The following CREB5 variants were observed in gnomAD, a reference collection of about 807,000 sequenced individuals.
The protein encoded by CREB5 is cAMP responsive element binding protein 5.
In CREB5, 19 loss-of-function variants were observed where a neutral mutation model predicts 57.1. The ratio of observed to expected loss-of-function variants is 0.33; its 90% CI spans 0.23 to 0.49. The LOEUF (loss-of-function observed/expected upper bound fraction) is 0.49. Ranked by LOEUF, CREB5 falls within the 20% of genes least tolerant of loss-of-function variation. The probability of loss-of-function intolerance (pLI) is 0.99; values close to 1 mark genes in which losing one functional copy is unlikely to be tolerated. For missense variants in CREB5, 579 were observed against 671.6 expected (o/e 0.86, Z 1.52); for synonymous variants, 238 against 238.3 (o/e 1.00, Z 0.01).
intron 7 of CREB5, among the ~76,000 whole-genome samples, chr7:28,763,249 T>A (rs542261398): frequency 6.6e-6 from 1 of 152,204 alleles, no homozygotes; most frequent in Non-Finnish European, 1.5e-5. Context: ...TGCCTCTGCA[T>A]CCTTAGTAGC....
chr7:28,668,710 T>C (rs1799922088), intron 5 of CREB5, among the ~76,000 whole-genome samples: 1 of 152,182 alleles, frequency 6.6e-6, no homozygotes, highest in African/African-American at 2.4e-5. Context: ...GTATTTTAGG[T>C]AGGAACTATC....
chr7:28,481,881 G>C (rs1269428992), intron 1 of CREB5, among the ~76,000 whole-genome samples: 1 of 152,152 alleles, frequency 6.6e-6, no homozygotes, highest in African/African-American at 2.4e-5. Context: ...CAGAAAGAGA[G>C]AGAGACACAC....
intron 5 of CREB5, among the ~76,000 whole-genome samples, chr7:28,700,640 C>T (rs1388021120): frequency 6.6e-6 from 1 of 152,134 alleles, no homozygotes; most frequent in Admixed American, 6.5e-5. Context: ...CTTAGTACTC[C>T]TAGGAAAAGT....
chr7:28,330,900 T>C (rs897854678), intron 1 of CREB5, among the ~76,000 whole-genome samples: 5 of 152,180 alleles, frequency 3.3e-5, no homozygotes, highest in Admixed American at 1.3e-4. Context: ...TTAACAAATA[T>C]TTCTTTGCTA....
chr7:28,615,180 AG>A (rs1371909706), intron 5 of CREB5: 1 of 152,220 alleles, frequency 6.6e-6, no homozygotes, highest in Non-Finnish European at 1.5e-5. Context: ...TCCTGATAAG[AG>A]ACTCTGTTAA....
intron 5 of CREB5, among the ~76,000 whole-genome samples, chr7:28,601,725 A>G (rs1440366769): frequency 1.3e-5 from 2 of 152,190 alleles, no homozygotes; most frequent in African/African-American, 4.8e-5. Flanking sequence ...ATTTCAGCAT[A>G]TAAAGTGGCT....
intron 2 of CREB5, among the ~76,000 whole-genome samples, chr7:28,489,357 T>C (rs1791703010): frequency 3.6e-5 from 5 of 138,504 alleles, no homozygotes; most frequent in Admixed American, 2.5e-4. Context: ...TGGAGTGCAG[T>C]GGTGCGATCT....
rs59294932 is a variant in CREB5, at chr7:28,737,539, GTATATATATATATATATATA to G, written c.702+13237_702+13256del. Among the ~76,000 whole-genome samples the G allele has an allele frequency of 6.6e-3, 177 of 26,672 alleles. 6 individuals are homozygous for G. In the East Asian group the frequency reaches 0.087, roughly 13 times the overall value. 17.5% of individuals were successfully genotyped at this position (26,672 alleles called of 152,430 possible). A position where few individuals can be genotyped will look rare whatever the true frequency, so the allele number is the denominator to read the frequency against. ...TGTGTGTATATATGTATATATATAC[GTATATATATATATATATATA>G]TATATATATATATATATATATATAT... On this transcript the variant is annotated intron_variant, in intron 7 of 10. Coordinates refer to ENST00000357727, the MANE Select transcript of CREB5 (RefSeq NM_182898.4).
At chr7:28,692,027 A>AAAAC (rs1554286561) in intron 5 of CREB5, among the ~76,000 whole-genome samples, 3 of 151,082 alleles carry the variant, frequency 2.0e-5, no homozygotes, top group Admixed American at 6.6e-5. Context: ...AAAAAAAAAA[A>AAAAC]AACAACAAAT....
chr7:28,748,077 G>C (rs1804781582), intron 7 of CREB5, among the ~76,000 whole-genome samples: 1 of 152,178 alleles, frequency 6.6e-6, no homozygotes, highest in Admixed American at 6.5e-5. Flanking sequence ...GTTACCTGAT[G>C]GCTTTGGATA....
chr7:28,588,000 C>A (rs1796362966), intron 5 of CREB5, among the ~76,000 whole-genome samples: 1 of 152,146 alleles, frequency 6.6e-6, no homozygotes, highest in East Asian at 1.9e-4. Flanking sequence ...CACTGCAGAT[C>A]AGGGGTCCAG....
At chr7:28,566,926 T>C (rs983792350) in intron 4 of CREB5, among the ~76,000 whole-genome samples, 1 of 152,222 alleles carries the variant, frequency 6.6e-6, no homozygotes, top group Non-Finnish European at 1.5e-5. Flanking sequence ...TATTCCTAGA[T>C]AGTGATTAGT....
chr7:28,511,861 G>A (rs754354602), intron 4 of CREB5, among the ~76,000 whole-genome samples: 22 of 152,244 alleles, frequency 1.4e-4, no homozygotes, highest in Non-Finnish European at 2.5e-4. Context: ...TGAGTTGAAA[G>A]CAAACTATCG....
intron 1 of CREB5, among the ~76,000 whole-genome samples, chr7:28,406,253 G>C (rs1787577182): frequency 2.0e-5 from 3 of 152,186 alleles, no homozygotes; most frequent in African/African-American, 7.2e-5. Context: ...ATTCTTCCAT[G>C]GGAGTTGGTA....
rs919668936 is a variant in CREB5, at chr7:28,435,706, A to G, written c.3+22789A>G. On this transcript the variant is annotated intron_variant, in intron 1 of 10. Transcript: ENST00000357727. Reference sequence around the variant, plus strand: ...TTTTCAGGGTAAGTGGTGGGGTTGTATAATACTCGTGTGACAGATGAACCA... The same window carrying G: ...TTTTCAGGGTAAGTGGTGGGGTTGTGTAATACTCGTGTGACAGATGAACCA... 15 of 973,122 alleles carry G rather than the reference A, an allele frequency of 1.5e-5. No individual in the cohort carries two copies. In the African/African-American group the frequency reaches 1.9e-4, roughly 13 times the overall value. The allele number at this position is 973,122 out of a possible 1,614,324, so 60.3% of individuals were successfully genotyped here. A position where few individuals can be genotyped will look rare whatever the true frequency, so the allele number is the denominator to read the frequency against.
At chr7:28,493,841 A>G (rs1791907926) in intron 2 of CREB5, among the ~76,000 whole-genome samples, 1 of 152,222 alleles carries the variant, frequency 6.6e-6, no homozygotes, top group South Asian at 2.1e-4. Context: ...TACAGAACAT[A>G]GAATACTAAA....
chr7:28,740,249 T>A (rs924330599), intron 7 of CREB5, among the ~76,000 whole-genome samples: 8 of 152,170 alleles, frequency 5.3e-5, no homozygotes, highest in African/African-American at 1.9e-4. Context: ...ACTAGATAAA[T>A]TTATGAATTT....
chr7:28,635,073 T>G (rs1798362734), intron 5 of CREB5, among the ~76,000 whole-genome samples: 2 of 152,220 alleles, frequency 1.3e-5, no homozygotes, highest in African/African-American at 4.8e-5. Flanking sequence ...GGGACTTTTT[T>G]ATGTGTTTCT....
intron 7 of CREB5, among the ~76,000 whole-genome samples, chr7:28,726,057 T>C (rs1803317810): frequency 1.3e-5 from 2 of 152,206 alleles, no homozygotes; most frequent in African/African-American, 4.8e-5. Context: ...AAATGAATAG[T>C]GAATCATGTC....
Sources: gnomAD v4.1 joint callset for allele counts (sites outside exome capture counted in the v4.1 genomes callset) on GRCh38, gnomAD v4.1.1 for gene constraint, MANE v1.5 for transcripts, NCBI Gene and HGNC (gene_info 2026-07-23, HGNC 2026-07-21) for gene names.